Variants in NCOA2 observed in about 807,000 individuals in gnomAD.
The protein encoded by NCOA2 is class E basic helix-loop-helix protein 75.
In NCOA2, 21 loss-of-function variants were observed where a neutral mutation model predicts 145.1. The observed-to-expected ratio is 0.14, with a 90% CI of 0.10 to 0.21. The LOEUF is 0.21. Among genes scored for constraint, NCOA2 ranks in the 10% least tolerant of loss-of-function variants. NCOA2 has a pLI of 1.00. For synonymous variants in NCOA2, 619 were observed against 637.5 expected (o/e 0.97, Z 0.44); for missense variants, 1,472 against 1,837.6 (o/e 0.80, Z 3.64).
intron 1 of NCOA2, among the ~76,000 whole-genome samples, chr8:70,340,045 T>A (rs2136445363): frequency 6.6e-6 from 1 of 152,224 alleles, no homozygotes; most frequent in East Asian, 1.9e-4. Context: ...GATTTCATGA[T>A]GAAAATGCCA....
At position 70,148,336 on chromosome 8, in the gene NCOA2, C is replaced by T; in HGVS notation, c.2542G>A (p.Ala848Thr). 1.2e-6 allele frequency: 2 copies of T among 1,614,038 alleles called. No homozygotes were observed. Among genetic ancestry groups the T allele is most frequent in the Non-Finnish European group, 1.7e-6 (2 of 1,179,894 alleles). Reference protein sequence around the residue: ...AIINDLMQLTAENSPVTPVGA... With the variant: ...AIINDLMQLTTENSPVTPVGA... ...ACAGGTGTGACAGGGCTGTTTTCAG[C>T]TGTGAGTTGCATGAGGTCATTGATG... Residue 848 changes from alanine to threonine, a missense_variant, in exon 12 of 23, where the codon GCT (alanine) becomes ACT (threonine). Around this residue, in one of 4 missense-constraint regions of NCOA2, gnomAD observed 953 missense variants for 1,062.1 expected, o/e 0.90. Coordinates refer to ENST00000452400, the MANE Select transcript of NCOA2 (RefSeq NM_006540.4).
chr8:70,205,024 C>T (rs970557672), intron 4 of NCOA2, among the ~76,000 whole-genome samples: 2 of 152,106 alleles, frequency 1.3e-5, no homozygotes, highest in Non-Finnish European at 2.9e-5. Context: ...AGAAGTGCTG[C>T]AGGTCCAAGG....
At chr8:70,222,406 C>A (rs558110666) in intron 2 of NCOA2, among the ~76,000 whole-genome samples, 1 of 152,202 alleles carries the variant, frequency 6.6e-6, no homozygotes. Context: ...TTAGCACCTA[C>A]CTTCTCTTAT....
At chr8:70,343,927 G>A (rs1808373844) in intron 1 of NCOA2, among the ~76,000 whole-genome samples, 1 of 152,092 alleles carries the variant, frequency 6.6e-6, no homozygotes, top group African/African-American at 2.4e-5. Context: ...TAGAACCTGG[G>A]ACACTCTTGT....
the NCOA2 span, among the ~76,000 whole-genome samples, chr8:70,435,719 T>C: frequency 7.0e-6 from 1 of 143,012 alleles, no homozygotes; most frequent in Admixed American, 6.8e-5. Flanking sequence ...CTTACACTTA[T>C]ATATATATAT....
chr8:70,261,919 G>C (rs1824169255), intron 2 of NCOA2, among the ~76,000 whole-genome samples: 1 of 151,970 alleles, frequency 6.6e-6, no homozygotes. Context: ...CAGATGAGGG[G>C]GGAAAAGTGG....
Position 70,276,844 on chromosome 8 carries a change from AC to A in NCOA2, c.-20+19899del, listed in dbSNP as rs1460360290. Reference sequence around the variant, plus strand: ...AATTCTCTCAAATTCTGATATACAGACCTTTAAAAAACAGACATCATCTACA... The same window carrying A: ...AATTCTCTCAAATTCTGATATACAGACTTTAAAAAACAGACATCATCTACA... On this transcript the variant is annotated intron_variant, in intron 2 of 22. Coordinates refer to ENST00000452400, the MANE Select transcript of NCOA2 (RefSeq NM_006540.4). Among the ~76,000 whole-genome samples the A allele has an allele frequency of 1.8e-4, 28 of 152,264 alleles. No individual in the cohort carries two copies. In the South Asian group the frequency reaches 5.6e-3, roughly 30 times the overall value.
In NCOA2 at chr8:70,131,827, C is replaced by A; in HGVS notation, c.3324+10G>T. ...CGCTTGGCCCCCACCTGCTGCCCTT[C>A]CGCGCATACCTGGCTGACCAGTTCG... On this transcript the variant is annotated intron_variant, in intron 16 of 22. Transcript: ENST00000452400. 2 of 1,577,876 alleles carry A rather than the reference C, an allele frequency of 1.3e-6. No homozygotes were observed. The highest frequency in any genetic ancestry group is 1.4e-5 in the African/African-American group (1 of 74,034).
intron 2 of NCOA2, among the ~76,000 whole-genome samples, chr8:70,269,873 T>C (rs753348017): frequency 6.6e-6 from 1 of 152,234 alleles, no homozygotes; most frequent in South Asian, 2.1e-4. Flanking sequence ...TAAAAATACA[T>C]ATAACACACA....
chr8:70,212,066 C>CATATATATATATAT (rs36215324), intron 4 of NCOA2, among the ~76,000 whole-genome samples: 60 of 144,356 alleles, frequency 4.2e-4, no homozygotes, highest in East Asian at 1.8e-3. Context: ...CTTTGTGGCG[C>CATATATATATATAT]ATATATATAT....
chr8:70,158,333 G>T (rs147058292), intron 10 of NCOA2, among the ~76,000 whole-genome samples: 3 of 152,264 alleles, frequency 2.0e-5, no homozygotes, highest in African/African-American at 7.2e-5. Flanking sequence ...GATAACTAAT[G>T]AAATTTAATC....
At chr8:70,131,122 A>G (rs1249382906) in intron 16 of NCOA2, among the ~76,000 whole-genome samples, 1 of 152,238 alleles carries the variant, frequency 6.6e-6, no homozygotes, top group African/African-American at 2.4e-5. Context: ...GGGCTAAACC[A>G]TAAGTGAAAG....
At position 70,141,396 on chromosome 8, in the gene NCOA2, A is replaced by G. The variant is rs777618784; in HGVS notation, c.2816T>C (p.Met939Thr). 2 of 1,613,574 alleles carry G rather than the reference A, an allele frequency of 1.2e-6. No homozygotes were observed. Among genetic ancestry groups the G allele is most frequent in the Non-Finnish European group, 1.7e-6 (2 of 1,179,706 alleles). ...QGNLGNSSTG[M>T]IGNSASRPTM... Reference sequence around the variant, plus strand: ...AGGCCGAGAAGCACTGTTACCAATCATTCCTGCATGCAAGCCAAAGAAAAC... The same window carrying G: ...AGGCCGAGAAGCACTGTTACCAATCGTTCCTGCATGCAAGCCAAAGAAAAC... Residue 939 changes from methionine (M) to threonine (T), a missense_variant, in exon 14 of 23, where the codon ATG (methionine) becomes ACG (threonine). Met to Thr is a moderately conservative substitution (Grantham distance 81). Coordinates refer to ENST00000452400, the MANE Select transcript of NCOA2 (RefSeq NM_006540.4).
At chr8:70,270,684 T>C (rs1409268061) in intron 2 of NCOA2, among the ~76,000 whole-genome samples, 1 of 152,226 alleles carries the variant, frequency 6.6e-6, no homozygotes, top group Non-Finnish European at 1.5e-5. Context: ...TTTAGTCTTT[T>C]CTGCTACCTT....
intron 1 of NCOA2, among the ~76,000 whole-genome samples, chr8:70,320,460 G>C (rs1380691947): frequency 6.6e-6 from 1 of 152,046 alleles, no homozygotes; most frequent in Non-Finnish European, 1.5e-5. Flanking sequence ...AAAGGAATGT[G>C]GTTTTTTGGT....
Position 70,126,984 on chromosome 8 carries a change from G to T in NCOA2, c.3745C>A (p.Gln1249Lys). ...QREILNQHLRQRQMHQQQQVQ... is the reference protein window; with the variant it reads ...QREILNQHLRKRQMHQQQQVQ... The stretch of plus-strand genomic sequence containing the variant: ...TGCTGTTGCTGATGCATTTGTCTCT[G>T]TCGAAGATGCTGGTTCAGGATTTCC... The change falls in exon 19 of 23, where the codon CAG becomes AAG. Residue 1249 changes from glutamine (Q) to lysine (K), a missense_variant. This residue lies in a region of NCOA2 where 232 missense variants were observed against 290.6 expected (regional missense o/e 0.80). Coordinates refer to ENST00000452400, the MANE Select transcript of NCOA2 (RefSeq NM_006540.4). 6.2e-7 allele frequency: 1 copy of T among 1,613,746 alleles called. No homozygotes were observed. Among genetic ancestry groups the T allele is most frequent in the Admixed American group, 1.7e-5 (1 of 60,004 alleles).
At chr8:70,225,441 C>T (rs965614782) in intron 2 of NCOA2, among the ~76,000 whole-genome samples, 7 of 151,732 alleles carry the variant, frequency 4.6e-5, no homozygotes, top group Non-Finnish European at 8.8e-5. Context: ...CCCAGCTACT[C>T]AGGAGGCTGA....
intron 1 of NCOA2, among the ~76,000 whole-genome samples, chr8:70,307,810 A>G (rs965787249): frequency 1.3e-5 from 2 of 152,334 alleles, no homozygotes; most frequent in Middle Eastern, 3.4e-3. Context: ...ATACGCTTGC[A>G]TGGTAGTGCT....
chr8:70,139,567 CAATTA>C (rs1419458686), intron 14 of NCOA2, among the ~76,000 whole-genome samples: 1 of 144,056 alleles, frequency 6.9e-6, no homozygotes. Flanking sequence ...ATATGCTGAA[CAATTA>C]AATAGGTAAG....
Sources: gnomAD v4.1 joint callset for allele counts (sites outside exome capture counted in the v4.1 genomes callset) on GRCh38, gnomAD v4.1.1 for gene constraint, gnomAD v4.1.1 regional missense constraint, MANE v1.5 for transcripts, NCBI Gene and HGNC (gene_info 2026-07-23, HGNC 2026-07-21) for gene names.